Variants in RAB25 observed in about 807,000 individuals in gnomAD.
RAB25 encodes RAB25, member RAS oncogene family, also known as ras-related protein Rab-25.
In RAB25, 23 loss-of-function variants were observed where a neutral mutation model predicts 25.2. The observed-to-expected ratio is 0.91, with a 90% CI of 0.66 to 1.29. The LOEUF is 1.29. Among genes scored for constraint, RAB25 ranks in the 50% most tolerant of loss-of-function variants. The pLI is 0.00. For missense variants in RAB25, 244 were observed against 277.3 expected (o/e 0.88, Z 0.85); for synonymous variants, 102 against 111.5 (o/e 0.91, Z 0.54).
chr1:156,065,502 C>A (rs1410292771), intron 1 of RAB25, among the ~76,000 whole-genome samples: 1 of 152,178 alleles, frequency 6.6e-6, no homozygotes, highest in Non-Finnish European at 1.5e-5. Flanking sequence ...TATATAGAGA[C>A]AAGTGCAATG....
Position 156,062,840 on chromosome 1 carries a change from G to A in RAB25, c.43+1397G>A, listed in dbSNP as rs375522020. Among the ~76,000 whole-genome samples, 9 of 151,956 alleles carry A rather than the reference G, an allele frequency of 5.9e-5. No individual in the cohort carries two copies. In the South Asian group the frequency reaches 1.7e-3, roughly 28 times the overall value. On this transcript the variant is annotated intron_variant, in intron 1 of 4. Coordinates refer to ENST00000361084, the MANE Select transcript of RAB25 (RefSeq NM_020387.4). ...AGGCCGAGGCGGCGGGATCACTTAA[G>A]GTCTGGAGTTCCAGACCAGCCTGGC...
At chr1:156,063,002 C>G (rs554114397) in intron 1 of RAB25, among the ~76,000 whole-genome samples, 3 of 145,250 alleles carry the variant, frequency 2.1e-5, no homozygotes, top group Non-Finnish European at 3.0e-5. Flanking sequence ...TGCAGTAAGC[C>G]GAGACTGTGC....
At chr1:156,066,202 G>A in intron 2 of RAB25, 96 bp downstream of exon 2, 2 of 971,194 alleles carry the variant, frequency 2.1e-6, no homozygotes, top group Non-Finnish European at 1.4e-6. Context: ...AGGCAAGGGG[G>A]CTCAGCAGTG....
rs1318226405 is a variant in RAB25, at chr1:156,061,208, G to T, written c.-193G>T. On this transcript the variant is annotated 5_prime_UTR_variant, in exon 1 of 5. Coordinates refer to ENST00000361084, the MANE Select transcript of RAB25 (RefSeq NM_020387.4). The stretch of plus-strand genomic sequence containing the variant: ...CCTTACAGCACCCCCACCTGCCAGA[G>T]CTGATCCTCCCTAGGCCCTGCCTAA... 34 of 594,818 alleles carry T rather than the reference G, an allele frequency of 5.7e-5. No homozygotes were observed. The highest frequency in any genetic ancestry group is 9.1e-6 in the Non-Finnish European group (3 of 330,716). 36.8% of individuals were successfully genotyped at this position (594,818 alleles called of 1,614,324 possible). A position where few individuals can be genotyped will look rare whatever the true frequency, so the allele number is the denominator to read the frequency against.
At chr1:156,065,033 A>C (rs1427931551) in intron 1 of RAB25, among the ~76,000 whole-genome samples, 1 of 152,168 alleles carries the variant, frequency 6.6e-6, no homozygotes, top group East Asian at 1.9e-4. Flanking sequence ...GCTGCCCACC[A>C]GTCTAAAGGG....
At position 156,061,368 on chromosome 1, in the gene RAB25, C is replaced by T. The variant is rs754867380; in HGVS notation, c.-33C>T. ...CACACAGATTTGTCGCCTCTGTCCC[C>T]GAAGACACCTGCACCCTCCATGCGG... On this transcript the variant is annotated 5_prime_UTR_variant, in exon 1 of 5. Coordinates refer to ENST00000361084, the MANE Select transcript of RAB25 (RefSeq NM_020387.4). 12 of 1,612,370 alleles carry T rather than the reference C, an allele frequency of 7.4e-6. No individual in the cohort carries two copies. The highest frequency in any genetic ancestry group is 3.3e-5 in the Admixed American group (2 of 59,976).
chr1:156,061,994 A>T (rs1042485255), intron 1 of RAB25, among the ~76,000 whole-genome samples: 1 of 152,168 alleles, frequency 6.6e-6, no homozygotes, highest in Non-Finnish European at 1.5e-5. Flanking sequence ...CATATTGGCC[A>T]GGATGGTCTG....
At chr1:156,065,195 T>C (rs933377482) in intron 1 of RAB25, among the ~76,000 whole-genome samples, 3 of 152,214 alleles carry the variant, frequency 2.0e-5, no homozygotes, top group Non-Finnish European at 4.4e-5. Context: ...TTAAGGTAGA[T>C]ACTAATGTCT....
chr1:156,065,847 C>T, intron 1 of RAB25, 64 bp from the exon 2 acceptor site: 1 of 1,319,832 alleles, frequency 7.6e-7, no homozygotes, highest in South Asian at 1.7e-5. Flanking sequence ...GCAGACCCTC[C>T]AAGCTCAGGT....
chr1:156,068,201 G>T, intron 2 of RAB25, 69 bp from the exon 3 acceptor site: 1 of 1,360,712 alleles, frequency 7.3e-7, no homozygotes, highest in Non-Finnish European at 1.0e-6. Flanking sequence ...CCAGCTTGAC[G>T]GCTCTGCTCT....
Position 156,061,355 on chromosome 1 carries a change from T to G in RAB25, c.-46T>G. The G allele has an allele frequency of 6.3e-7, 1 of 1,594,772 alleles. No individual in the cohort carries two copies. The highest frequency in any genetic ancestry group is 8.6e-7 in the Non-Finnish European group (1 of 1,162,558). ...GGCATTGAGCCAACACACAGATTTG[T>G]CGCCTCTGTCCCCGAAGACACCTGC... is the stretch of plus-strand genomic sequence containing the variant. On this transcript the variant is annotated 5_prime_UTR_variant, in exon 1 of 5. Coordinates refer to ENST00000361084, the MANE Select transcript of RAB25 (RefSeq NM_020387.4).
chr1:156,061,858 C>A (rs776515951), intron 1 of RAB25, among the ~76,000 whole-genome samples: 96 of 152,102 alleles, frequency 6.3e-4, no homozygotes, highest in Non-Finnish European at 1.1e-3. Flanking sequence ...AATCTCAGCT[C>A]ACTGCAACCT....
intron 1 of RAB25, among the ~76,000 whole-genome samples, chr1:156,063,405 C>A (rs1268023824): frequency 2.0e-5 from 3 of 152,184 alleles, no homozygotes; most frequent in Non-Finnish European, 4.4e-5. Context: ...CCCTCCTAGG[C>A]CTCCCAAAGT....
At chr1:156,061,969 G>C (rs915280799) in intron 1 of RAB25, among the ~76,000 whole-genome samples, 1 of 152,116 alleles carries the variant, frequency 6.6e-6, no homozygotes, top group Non-Finnish European at 1.5e-5. Flanking sequence ...ATTTTTAATA[G>C]AGACGGGGTT....
At chr1:156,066,231 T>G in intron 2 of RAB25, 125 bp downstream of exon 2, 1 of 798,240 alleles carries the variant, frequency 1.3e-6, no homozygotes. Flanking sequence ...GGGGTGGGGA[T>G]GGAGATCACA....
At position 156,066,086 on chromosome 1, in the gene RAB25, G is replaced by A; in HGVS notation, c.219G>A (p.Arg73=). The A allele has an allele frequency of 6.3e-7, 1 of 1,597,660 alleles. No homozygotes were observed. Among genetic ancestry groups the A allele is most frequent in the Middle Eastern group, 1.7e-4 (1 of 5,912 alleles). The change falls in exon 2 of 5, where the codon CGG becomes CGA. Residue 73 remains arginine (R), a synonymous_variant. Coordinates refer to ENST00000361084, the MANE Select transcript of RAB25 (RefSeq NM_020387.4). ...AQIWDTAGLE[R]YRAITSAYYR... is the part of the protein sequence containing the mutation. ...TCTGGGACACAGCTGGCCTGGAGCG[G>A]TACCGAGCCATCACCTCGGCGTGAG...
In RAB25 at chr1:156,070,242, G is replaced by A; in HGVS notation, c.597G>A (p.Gln199=). 6.2e-7 allele frequency: 1 copy of A among 1,614,076 alleles called. No individual in the cohort carries two copies. The highest frequency in any genetic ancestry group is 1.1e-5 in the South Asian group (1 of 91,080). The change falls in exon 5 of 5, where the codon CAG becomes CAA. Residue 199 remains glutamine, a synonymous_variant. Coordinates refer to ENST00000361084, the MANE Select transcript of RAB25 (RefSeq NM_020387.4). The part of the protein sequence containing the change: ...AITLGSAQAG[Q]EPGPGEKRAC... Reference sequence around the variant, plus strand: ...CTCTGGGCAGTGCCCAGGCTGGACAGGAGCCTGGCCCTGGGGAGAAGAGGG... The same window carrying A: ...CTCTGGGCAGTGCCCAGGCTGGACAAGAGCCTGGCCCTGGGGAGAAGAGGG...
chr1:156,070,198 A>G lies in RAB25; in HGVS notation c.553A>G (p.Ile185Val). ...AKVSKQRQNS[I>V]RTNAITLGSA... is the part of the protein sequence containing the mutation. ...GGTGTCCAAGCAGAGACAGAACAGC[A>G]TCCGGACCAATGCCATCACTCTGGG... The change falls in exon 5 of 5, where the codon ATC becomes GTC. Residue 185 changes from isoleucine (I) to valine (V), a missense_variant. Ile to Val is a conservative substitution (Grantham distance 29, BLOSUM62 3). Transcript: ENST00000361084. 1 of 1,614,096 alleles carries G rather than the reference A, an allele frequency of 6.2e-7. No homozygotes were observed. Among genetic ancestry groups the G allele is most frequent in the South Asian group, 1.1e-5 (1 of 91,080 alleles).
At chr1:156,064,224 G>A (rs72708251) in intron 1 of RAB25, among the ~76,000 whole-genome samples, 1 of 151,932 alleles carries the variant, frequency 6.6e-6, no homozygotes. Context: ...ATGCAAATAA[G>A]GAATGTTTAA....
Sources: allele counts gnomAD v4.1 joint callset (sites outside exome capture counted in the v4.1 genomes callset), GRCh38; gene constraint gnomAD v4.1.1; transcripts MANE v1.5; gene names NCBI Gene and HGNC (gene_info 2026-07-23, HGNC 2026-07-21).